CA13: variants seen among roughly 807,000 people sequenced by gnomAD.
The protein encoded by CA13 is CA-XIII.
In CA13, 21 loss-of-function variants were observed where a neutral mutation model predicts 31.5. The observed-to-expected ratio is 0.67, with a 90% CI of 0.47 to 0.96. The LOEUF is 0.96. Ranked by LOEUF, CA13 falls within the 40% of genes least tolerant of loss-of-function variation. The probability of loss-of-function intolerance (pLI) is 0.00; values close to 1 mark genes in which losing one functional copy is unlikely to be tolerated. For synonymous variants in CA13, 117 were observed against 111.4 expected (o/e 1.05, Z -0.32); for missense variants, 315 against 318.9 (o/e 0.99, Z 0.09).
intron 6 of CA13, 54 bp from the exon 7 acceptor site, chr8:85,281,176 A>G: frequency 6.3e-7 from 1 of 1,592,984 alleles, no homozygotes; most frequent in African/African-American, 1.3e-5. Flanking sequence ...AGGGTAATTC[A>G]TTAATATTGG....
At chr8:85,249,729 G>T in intron 1 of CA13, 1 of 308,348 alleles carries the variant, frequency 3.2e-6, no homozygotes, top group Non-Finnish European at 6.5e-6. Flanking sequence ...CCCAGTGTAG[G>T]TGGTGATAGC....
intron 6 of CA13, among the ~76,000 whole-genome samples, chr8:85,280,422 C>G (rs1230875955): frequency 6.6e-6 from 1 of 152,176 alleles, no homozygotes. Context: ...CCTCTGCCCC[C>G]GTCCTGGTTA....
rs368216775 is a variant in CA13 at position 85,281,434 on chromosome 8, CTT to C, written c.*88_*89del. The C allele has an allele frequency of 7.6e-4, 1,166 of 1,534,152 alleles. 4 individuals carry two copies. In the African/African-American group the frequency reaches 0.014, roughly 19 times the overall value. The stretch of plus-strand genomic sequence containing the variant: ...AGCACAAAAGTCTCTGCCAACAACT[CTT>C]TTGTGGAATTCTAATTTATAGGAAA... On this transcript the variant is annotated 3_prime_UTR_variant, in exon 7 of 7. Transcript: ENST00000321764.
intron 2 of CA13, among the ~76,000 whole-genome samples, chr8:85,251,949 T>C (rs1261448576): frequency 6.6e-6 from 1 of 152,166 alleles, no homozygotes; most frequent in African/African-American, 2.4e-5. Context: ...CAGATTAAAA[T>C]ATATCTTGTT....
chr8:85,263,371 TA>T (rs2129977273), intron 3 of CA13, among the ~76,000 whole-genome samples: 1 of 152,286 alleles, frequency 6.6e-6, no homozygotes, highest in South Asian at 2.1e-4. Flanking sequence ...CTTTATATTT[TA>T]CAAAATATAA....
chr8:85,267,919 C>T lies in CA13; in HGVS notation c.468C>T (p.Ser156=), dbSNP rs368124926. 3.4e-5 allele frequency: 55 copies of T among 1,595,540 alleles called. No individual in the cohort carries two copies. Among genetic ancestry groups the T allele is most frequent in the Non-Finnish European group, 4.4e-5 (51 of 1,166,938 alleles). ...GTTTTTAGATTGGTGAACCTAATTCCCAACTGCAAAAGATTACTGACACTT... is the reference window on the plus strand; with the variant it reads ...GTTTTTAGATTGGTGAACCTAATTCTCAACTGCAAAAGATTACTGACACTT... ...GVFLQIGEPN[S]QLQKITDTLD... Residue 156 remains serine, a synonymous_variant, in exon 5 of 7, where the codon TCC becomes TCT. Transcript: ENST00000321764.
At chr8:85,276,259 C>T (rs951418798) in intron 6 of CA13, among the ~76,000 whole-genome samples, 5 of 152,198 alleles carry the variant, frequency 3.3e-5, no homozygotes, top group African/African-American at 4.8e-5. Context: ...CCTTCCTCCC[C>T]CCGGGGCAGG....
Position 85,259,486 on chromosome 8 carries a change from G to C in CA13, c.301G>C (p.Ala101Pro), listed in dbSNP as rs746847065. 1 of 1,613,952 alleles carries C rather than the reference G, an allele frequency of 6.2e-7. No homozygotes were observed. The highest frequency in any genetic ancestry group is 8.5e-7 in the Non-Finnish European group (1 of 1,179,886). Residue 101 changes from alanine to proline, a missense_variant, in exon 3 of 7, where the codon GCT becomes CCT. By Grantham distance (27) the Ala-to-Pro change is conservative (BLOSUM62 -1). Transcript: ENST00000321764. ...GCAGGTTCACCTTCACTGGGGGTCC[G>C]CTGATGACCACGGCTCCGAGCACAT... ...LRQVHLHWGS[A>P]DDHGSEHIVD...
chr8:85,253,474 A>G (rs776493496), intron 2 of CA13, among the ~76,000 whole-genome samples: 6 of 151,940 alleles, frequency 3.9e-5, no homozygotes, highest in Non-Finnish European at 7.4e-5. Context: ...CATATTGCCC[A>G]GGCTGATCTT....
intron 2 of CA13, among the ~76,000 whole-genome samples, chr8:85,255,284 A>G (rs905185342): frequency 5.4e-5 from 8 of 149,390 alleles, no homozygotes; most frequent in Admixed American, 2.0e-4. Context: ...TTTTTTTAAG[A>G]CAAGATCTCA....
chr8:85,280,627 G>A (rs1018712051), intron 6 of CA13, among the ~76,000 whole-genome samples: 2 of 152,108 alleles, frequency 1.3e-5, no homozygotes, highest in African/African-American at 4.8e-5. Context: ...TATAATTTTG[G>A]TGCATATTTT....
intron 1 of CA13, among the ~76,000 whole-genome samples, chr8:85,248,457 CAAAA>C (rs528349589): frequency 6.5e-5 from 5 of 76,670 alleles, no homozygotes; most frequent in Non-Finnish European, 5.6e-5. Flanking sequence ...AACTCTGTCT[CAAAA>C]AAAAAAAAAA....
chr8:85,277,165 C>T (rs576510702), intron 6 of CA13, among the ~76,000 whole-genome samples: 1 of 152,326 alleles, frequency 6.6e-6, no homozygotes, highest in South Asian at 2.1e-4. Flanking sequence ...TCTTCTTCCA[C>T]ACCGTGGAAG....
At chr8:85,272,123 G>T (rs1807535685) in intron 6 of CA13, among the ~76,000 whole-genome samples, 1 of 152,124 alleles carries the variant, frequency 6.6e-6, no homozygotes, top group Non-Finnish European at 1.5e-5. Context: ...GTGCTCTTTT[G>T]CAGTCCTTCA....
chr8:85,270,125 C>G (rs1807509780), intron 6 of CA13, among the ~76,000 whole-genome samples: 1 of 152,166 alleles, frequency 6.6e-6, no homozygotes, highest in African/African-American at 2.4e-5. Context: ...TGCTGTGCTT[C>G]TTCATTGGTT....
At chr8:85,272,390 GAACTACAGGCATGCATCACC>G (rs1475646683) in intron 6 of CA13, among the ~76,000 whole-genome samples, 1 of 151,944 alleles carries the variant, frequency 6.6e-6, no homozygotes, top group Non-Finnish European at 1.5e-5. Context: ...TGAGTAGCTG[GAACTACAGGCATGCATCACC>G]ACGCCTGGCC....
At chr8:85,259,344 C>A in intron 2 of CA13, 77 bp from the exon 3 acceptor site, 2 of 1,138,442 alleles carry the variant, frequency 1.8e-6, no homozygotes, top group South Asian at 1.3e-5. Context: ...TGGAGTAATT[C>A]AGGGAGATGT....
chr8:85,249,637 T>C (rs1209876843), intron 1 of CA13, among the ~76,000 whole-genome samples: 1 of 152,256 alleles, frequency 6.6e-6, no homozygotes, highest in Non-Finnish European at 1.5e-5. Flanking sequence ...TAATTAATTG[T>C]CATGCTATGA....
At chr8:85,279,674 C>T (rs922745448) in intron 6 of CA13, among the ~76,000 whole-genome samples, 3 of 152,106 alleles carry the variant, frequency 2.0e-5, no homozygotes, top group Non-Finnish European at 4.4e-5. Flanking sequence ...GAAGAATCAG[C>T]GGTATCACTG....
Sources: allele counts gnomAD v4.1 joint callset (sites outside exome capture counted in the v4.1 genomes callset), GRCh38; gene constraint gnomAD v4.1.1; transcripts MANE v1.5; gene names NCBI Gene and HGNC (gene_info 2026-07-23, HGNC 2026-07-21).